RIPOR3: variants seen among roughly 807,000 people sequenced by gnomAD.
The protein encoded by RIPOR3 is RIPOR family member 3.
In RIPOR3, 95 loss-of-function variants were observed where a neutral mutation model predicts 114.3. The observed-to-expected ratio is 0.83, with a 90% CI of 0.70 to 0.99. The LOEUF (loss-of-function observed/expected upper bound fraction) is 0.99, where lower values mean the gene tolerates loss of function less well. Ranked by LOEUF, RIPOR3 falls within the 50% of genes least tolerant of loss-of-function variation. The pLI, the probability that RIPOR3 is intolerant of heterozygous loss-of-function variation, is 0.00. For missense variants in RIPOR3, 1,252 were observed against 1,266.9 expected (o/e 0.99, Z 0.18); for synonymous variants, 575 against 543.8 (o/e 1.06, Z -0.80).
chr20:50,593,322 C>T lies in RIPOR3; in HGVS notation c.2213-126G>A, dbSNP rs1049848830. ...GCGCAGTGGCTCGCACCTGTAACCC[C>T]AGCACTTTGGGAGGCCAAGGTGGGC... On this transcript the variant is annotated intron_variant, in intron 17 of 21. Coordinates refer to ENST00000327979, the MANE Select transcript of RIPOR3 (RefSeq NM_001290268.2). 9.1e-6 allele frequency: 10 copies of T among 1,100,310 alleles called. No homozygotes were observed. In the Admixed American group the frequency reaches 2.8e-4, roughly 31 times the overall value. 68.2% of individuals were successfully genotyped at this position (1,100,310 alleles called of 1,614,324 possible).
At chr20:50,671,356 AT>A (rs2086475553) in intron 1 of RIPOR3, among the ~76,000 whole-genome samples, 2 of 152,118 alleles carry the variant, frequency 1.3e-5, no homozygotes, top group South Asian at 4.1e-4. Context: ...AGATTACGTT[AT>A]AAAAGACAGT....
At chr20:50,631,003 G>A in intron 1 of RIPOR3, 147 bp from the exon 2 acceptor site, 2 of 650,588 alleles carry the variant, frequency 3.1e-6, no homozygotes, top group Non-Finnish European at 5.4e-6. Context: ...TCACAGGTCA[G>A]CAAGCTGAGG....
intron 1 of RIPOR3, among the ~76,000 whole-genome samples, chr20:50,685,896 G>A (rs1294197652): frequency 6.6e-6 from 1 of 151,192 alleles, no homozygotes; most frequent in Non-Finnish European, 1.5e-5. Context: ...AGGTCTTCAT[G>A]GGCTCACATG....
At chr20:50,660,501 G>T (rs948886356) in intron 1 of RIPOR3, among the ~76,000 whole-genome samples, 1 of 152,100 alleles carries the variant, frequency 6.6e-6, no homozygotes, top group Non-Finnish European at 1.5e-5. Context: ...GAGAGTGACA[G>T]CAAGAACTCA....
intron 1 of RIPOR3, among the ~76,000 whole-genome samples, chr20:50,670,716 A>C (rs1417473533): frequency 1.3e-5 from 2 of 152,150 alleles, no homozygotes; most frequent in Non-Finnish European, 2.9e-5. Flanking sequence ...GTATGATTAA[A>C]TTCCAACCCT....
In RIPOR3 at chr20:50,586,692, T is replaced by A. The variant is rs551381845; in HGVS notation, c.*540A>T. 6.5e-6 allele frequency: 1 copy of A among 154,708 alleles called. No homozygotes were observed. Among genetic ancestry groups the A allele is most frequent in the African/African-American group, 2.4e-5 (1 of 41,488 alleles). The allele number at this position is 154,708 out of a possible 1,614,324, so 9.6% of individuals were successfully genotyped here. A position where few individuals can be genotyped will look rare whatever the true frequency, so the allele number is the denominator to read the frequency against. The stretch of plus-strand genomic sequence containing the variant: ...TGTGGTTGTAGAAACCCTGGCTTTG[T>A]GCCTTCCCACCTTCCCCAGCTCACC... On this transcript the variant is annotated 3_prime_UTR_variant, in exon 22 of 22. Coordinates refer to ENST00000327979, the MANE Select transcript of RIPOR3 (RefSeq NM_001290268.2).
chr20:50,680,630 C>T (rs1220372600), intron 1 of RIPOR3, among the ~76,000 whole-genome samples: 2 of 152,254 alleles, frequency 1.3e-5, no homozygotes, highest in African/African-American at 4.8e-5. Context: ...CCAAAGGCTG[C>T]CTGTGCTGGT....
chr20:50,644,262 GCA>G (rs1203960187), intron 1 of RIPOR3, among the ~76,000 whole-genome samples: 6 of 152,026 alleles, frequency 3.9e-5, no homozygotes, highest in Non-Finnish European at 8.8e-5. Flanking sequence ...ATAAGCCACT[GCA>G]CCTGACCCCA....
At position 50,596,151 on chromosome 20, in the gene RIPOR3, C is replaced by T. The variant is rs747405056; in HGVS notation, c.1903G>A (p.Ala635Thr). 1.9e-6 allele frequency: 3 copies of T among 1,614,072 alleles called. No individual in the cohort carries two copies. In the African/African-American group the frequency reaches 4.0e-5, roughly 22 times the overall value. ...CCTAGCCCAGCCACCTGCAGCAGAG[C>T]TTTGCAGACTTGGAGGTGTACCATC... Reference protein sequence around the residue: ...LLMVHLQVCKALLQKLASPNL... With the variant: ...LLMVHLQVCKTLLQKLASPNL... Residue 635 changes from alanine to threonine, a missense_variant, in exon 15 of 22, where the codon GCT becomes ACT. Transcript: ENST00000327979.
intron 1 of RIPOR3, among the ~76,000 whole-genome samples, chr20:50,634,995 T>A (rs540940307): frequency 1.3e-5 from 2 of 152,344 alleles, no homozygotes; most frequent in East Asian, 1.9e-4. Flanking sequence ...ATCAAGCCAC[T>A]AAACTCCAGC....
chr20:50,650,068 G>A (rs2085547056), intron 1 of RIPOR3, among the ~76,000 whole-genome samples: 1 of 152,250 alleles, frequency 6.6e-6, no homozygotes, highest in Non-Finnish European at 1.5e-5. Context: ...TTCTGGAAGC[G>A]AGGAGTTGGA....
intron 20 of RIPOR3, among the ~76,000 whole-genome samples, chr20:50,589,084 GAAAAAAAAAAAAAA>G (rs529410533): frequency 6.7e-5 from 6 of 89,544 alleles, no homozygotes; most frequent in South Asian, 3.9e-4. Context: ...TCCATCTCAA[GAAAAAAAAAAAAAA>G]AAAAAAAAAA....
intron 6 of RIPOR3, among the ~76,000 whole-genome samples, chr20:50,610,292 A>T (rs79908911): frequency 0.017 from 2,544 of 152,138 alleles, 71 homozygotes; most frequent in African/African-American, 0.056. Context: ...CGACTGGCAC[A>T]CAGTGTGCAC....
chr20:50,650,367 A>T (rs890322495), intron 1 of RIPOR3, among the ~76,000 whole-genome samples: 2 of 152,064 alleles, frequency 1.3e-5, no homozygotes, highest in Non-Finnish European at 2.9e-5. Flanking sequence ...CAGTGGCGCA[A>T]TCTCTGCTCA....
rs564204285 is a variant in RIPOR3, at chr20:50,592,473, G to A, written c.2448C>T (p.Gly816=). 114 of 1,611,178 alleles carry A rather than the reference G, an allele frequency of 7.1e-5. 1 individual carries two copies. The South Asian group carries it at 1.1e-3, about 16-fold the overall frequency. ...VVRKLQGKRL[G]QLQPLPQTLR... ...AGGTCTGGGGCAGAGGCTGGAGCTG[G>A]CCCAGCCGCTTCCCCTGCAGCTTCC... The change falls in exon 19 of 22, where the codon GGC becomes GGT. Residue 816 remains glycine (G), a synonymous_variant. Coordinates refer to ENST00000327979, the MANE Select transcript of RIPOR3 (RefSeq NM_001290268.2).
At chr20:50,643,706 C>CTTTTT (rs71190582) in intron 1 of RIPOR3, among the ~76,000 whole-genome samples, 1 of 134,932 alleles carries the variant, frequency 7.4e-6, no homozygotes, top group Non-Finnish European at 1.6e-5. Flanking sequence ...TTCTTTCTTT[C>CTTTTT]TTTTTTTTTT....
chr20:50,626,227 G>T (rs1209358389), intron 2 of RIPOR3, among the ~76,000 whole-genome samples: 1 of 152,262 alleles, frequency 6.6e-6, no homozygotes, highest in South Asian at 2.1e-4. Context: ...CCGCTTCCCC[G>T]TCGGTGTGGG....
At chr20:50,671,428 GCACACA>G (rs1160861232) in intron 1 of RIPOR3, among the ~76,000 whole-genome samples, 552 of 38,144 alleles carry the variant, frequency 0.014, 2 homozygotes, top group African/African-American at 0.029. Flanking sequence ...ACGCGCGCGC[GCACACA>G]CACACACACA....
intron 11 of RIPOR3, among the ~76,000 whole-genome samples, chr20:50,607,675 G>A (rs1460240425): frequency 6.6e-6 from 1 of 152,128 alleles, no homozygotes; most frequent in Non-Finnish European, 1.5e-5. Context: ...GACCCCGAGG[G>A]TGCAGGTGGT....
Sources: gnomAD v4.1 joint callset for allele counts (sites outside exome capture counted in the v4.1 genomes callset) on GRCh38, gnomAD v4.1.1 for gene constraint, MANE v1.5 for transcripts, NCBI Gene and HGNC (gene_info 2026-07-23, HGNC 2026-07-21) for gene names.